The following AGO2 variants were observed in gnomAD, a reference collection of about 807,000 sequenced individuals.
AGO2 encodes argonaute RISC catalytic component 2.
A neutral mutation model predicts 102.3 loss-of-function variants in AGO2; 5 were observed. That is an observed-to-expected ratio of 0.05 (90% CI 0.03 to 0.10). AGO2 has a LOEUF of 0.10. AGO2 is among the 10% of genes least tolerant of loss of function. The probability of loss-of-function intolerance (pLI) is 1.00; values close to 1 mark genes in which losing one functional copy is unlikely to be tolerated. For synonymous variants in AGO2, 449 were observed against 473.1 expected (o/e 0.95, Z 0.66); for missense variants, 541 against 1,183.7 (o/e 0.46, Z 7.97).
chr8:140,529,764 T>C lies in AGO2; in HGVS notation c.*2280A>G, dbSNP rs2072558459. 6.6e-6 allele frequency: 1 copy of C among 152,142 alleles called. No homozygotes were observed. The highest frequency in any genetic ancestry group is 6.5e-5 in the Admixed American group (1 of 15,270). 9.4% of individuals were successfully genotyped at this position (152,142 alleles called of 1,614,324 possible). On this transcript the variant is annotated 3_prime_UTR_variant, in exon 19 of 19. Transcript: ENST00000220592. The stretch of plus-strand genomic sequence containing the variant: ...ACAGATGCCCTGGCCATCCCTGAAG[T>C]ACCGCACGCAGGAGGTGGCAGCAGG...
rs1449676552 is a variant in AGO2 at position 140,540,127 on chromosome 8, A to T, written c.2035-673T>A. ...AAAAACAAAACAAAAAACACACAAA[A>T]AACAAAGCAGCTCAGGCAGGCTCCA... is the stretch of plus-strand genomic sequence containing the variant. On this transcript the variant is annotated intron_variant, in intron 15 of 18. Transcript: ENST00000220592. This position sits in a 1 kb window ranked among gnomAD's most constrained non-coding sequence, Gnocchi z 5.0. 6.6e-6 allele frequency among the ~76,000 whole-genome samples: 1 copy of T among 152,248 alleles called. No homozygotes were observed. Among genetic ancestry groups the T allele is most frequent in the East Asian group, 1.9e-4 (1 of 5,176 alleles).
At chr8:140,620,874 A>T (rs372461661) in intron 1 of AGO2, among the ~76,000 whole-genome samples, 57 of 151,952 alleles carry the variant, frequency 3.8e-4, no homozygotes, top group South Asian at 1.5e-3. Flanking sequence ...GAAAAAAAAA[A>T]TTTTTCTCAA....
Position 140,610,027 on chromosome 8 carries a change from CTAAAAA to C in AGO2, c.23-24722_23-24717del, listed in dbSNP as rs1323992983. On this transcript the variant is annotated intron_variant, in intron 1 of 18. Transcript: ENST00000220592. ...TGGGAAATACAGCAAGACCTTGACT[CTAAAAA>C]AAAAAAAAAAAAAAAAAAAAGAAAA... is the stretch of plus-strand genomic sequence containing the variant. Among the ~76,000 whole-genome samples, 12 of 56,076 alleles carry C rather than the reference CTAAAAA, an allele frequency of 2.1e-4. 1 individual carries two copies. Among genetic ancestry groups the C allele is most frequent in the Non-Finnish European group, 1.4e-4 (4 of 28,554 alleles). 36.8% of individuals were successfully genotyped at this position (56,076 alleles called of 152,430 possible).
chr8:140,611,430 C>T (rs997445307), intron 1 of AGO2, among the ~76,000 whole-genome samples: 2 of 151,848 alleles, frequency 1.3e-5, no homozygotes, highest in African/African-American at 4.8e-5. Flanking sequence ...CAGGTTGAAG[C>T]GATTCTCCTC....
At chr8:140,552,801 C>T (rs1234316071) in intron 10 of AGO2, among the ~76,000 whole-genome samples, 1 of 152,016 alleles carries the variant, frequency 6.6e-6, no homozygotes, top group African/African-American at 2.4e-5. Flanking sequence ...TTCTCAACCT[C>T]GGCACAACTG....
At chr8:140,613,003 T>C (rs1465251358) in intron 1 of AGO2, among the ~76,000 whole-genome samples, 2 of 151,820 alleles carry the variant, frequency 1.3e-5, no homozygotes, top group Admixed American at 6.6e-5. Flanking sequence ...ATCGACACCA[T>C]CCTGGCTAAC....
At chr8:140,550,563 G>A (rs1358193277) in intron 11 of AGO2, among the ~76,000 whole-genome samples, 1 of 152,146 alleles carries the variant, frequency 6.6e-6, no homozygotes, top group East Asian at 1.9e-4. Flanking sequence ...CACTCCTCTT[G>A]TCTGGGAAGG....
At chr8:140,581,603 G>GTTC (rs938586669) in intron 2 of AGO2, among the ~76,000 whole-genome samples, 2 of 152,080 alleles carry the variant, frequency 1.3e-5, no homozygotes, top group African/African-American at 4.8e-5. Flanking sequence ...TTCACACAGG[G>GTTC]TTCTATCCCA....
rs2072509501 is a variant in AGO2 at position 140,526,511 on chromosome 8, C to T, written c.*5533G>A. 8 of 152,188 alleles carry T rather than the reference C, an allele frequency of 5.3e-5. No homozygotes were observed. Among genetic ancestry groups the T allele is most frequent in the Admixed American group, 5.2e-4 (8 of 15,284 alleles). 9.4% of individuals were successfully genotyped at this position (152,188 alleles called of 1,614,324 possible). A position where few individuals can be genotyped will look rare whatever the true frequency, so the allele number is the denominator to read the frequency against. ...GGGCTGCCCGTGGGTCACAGTATGG[C>T]ACACACATTTTCAAGCCAGAACTGA... On this transcript the variant is annotated 3_prime_UTR_variant, in exon 19 of 19. Coordinates refer to ENST00000220592, the MANE Select transcript of AGO2 (RefSeq NM_012154.5). The surrounding 1 kb of genome is among the most constrained non-coding windows in gnomAD (Gnocchi z 5.2).
chr8:140,615,998 G>A (rs1045464352), intron 1 of AGO2, among the ~76,000 whole-genome samples: 6 of 152,150 alleles, frequency 3.9e-5, no homozygotes, highest in Non-Finnish European at 8.8e-5. Context: ...GAATCAATGC[G>A]TACCCTGTCA....
At chr8:140,635,876 A>G (rs2074403360), upstream of AGO2, among the ~76,000 whole-genome samples, 1 of 144,972 alleles carries the variant, frequency 6.9e-6, no homozygotes, top group South Asian at 2.1e-4. Context: ...GGGCGGTGGG[A>G]ACCGCGGGCG....
chr8:140,602,184 GTAGAA>G (rs988184117), intron 1 of AGO2, among the ~76,000 whole-genome samples: 1 of 152,142 alleles, frequency 6.6e-6, no homozygotes, highest in African/African-American at 2.4e-5. Flanking sequence ...TTTTAACAGA[GTAGAA>G]TAGATGTTAA....
chr8:140,593,496 T>TA (rs2073775515), intron 1 of AGO2, among the ~76,000 whole-genome samples: 1 of 145,812 alleles, frequency 6.9e-6, no homozygotes, highest in Non-Finnish European at 1.5e-5. Flanking sequence ...CCGGCCGACA[T>TA]ACACTGATCT....
intron 18 of AGO2, 49 bp downstream of exon 18, chr8:140,532,367 G>A (rs142310556): frequency 2.9e-5 from 46 of 1,567,462 alleles, no homozygotes; most frequent in African/African-American, 5.4e-5. Flanking sequence ...GCCAATACCC[G>A]TGGCAAAAAC....
At chr8:140,581,586 T>A (rs72694455) in intron 2 of AGO2, among the ~76,000 whole-genome samples, 28,162 of 151,796 alleles carry the variant, frequency 0.19, 3,389 homozygotes, top group Non-Finnish European at 0.27. Flanking sequence ...ACCCCCTAAA[T>A]CACAGATTCA....
chr8:140,598,340 G>A (rs2073879729), intron 1 of AGO2, among the ~76,000 whole-genome samples: 1 of 152,248 alleles, frequency 6.6e-6, no homozygotes, highest in African/African-American at 2.4e-5. Flanking sequence ...GCAGACGTTT[G>A]CGTTCCGTTA....
intron 1 of AGO2, among the ~76,000 whole-genome samples, chr8:140,586,154 G>A (rs970211569): frequency 5.3e-5 from 8 of 152,318 alleles, no homozygotes; most frequent in Middle Eastern, 3.4e-3. Context: ...GGCACTCAGC[G>A]GGTGCCCCTG....
chr8:140,636,977 T>C (rs1334566934), upstream of AGO2: 1 of 152,172 alleles, frequency 6.6e-6, no homozygotes, highest in Non-Finnish European at 1.5e-5. Flanking sequence ...CATCATTAAG[T>C]AGTAAATAAT....
chr8:140,626,703 A>C (rs1388709298), intron 1 of AGO2: 1 of 152,284 alleles, frequency 6.6e-6, no homozygotes, highest in Non-Finnish European at 1.5e-5. Flanking sequence ...CTGCAACGTC[A>C]CATGAGCCCC....
Sources: gnomAD v4.1 joint callset for allele counts (sites outside exome capture counted in the v4.1 genomes callset) on GRCh38, gnomAD v4.1.1 for gene constraint, Gnocchi (gnomAD v3.1) non-coding constraint, MANE v1.5 for transcripts, NCBI Gene and HGNC (gene_info 2026-07-23, HGNC 2026-07-21) for gene names.